Variants in GAS2 observed in about 807,000 individuals in gnomAD.
GAS2 encodes growth arrest specific 2.
Under a neutral mutation model 37.5 loss-of-function variants are expected in GAS2, and 20 were observed. That is an observed-to-expected ratio of 0.53 (90% CI 0.37 to 0.77). The LOEUF (loss-of-function observed/expected upper bound fraction) is 0.77. GAS2 is among the 30% of genes least tolerant of loss of function. The pLI, the probability that GAS2 is intolerant of heterozygous loss-of-function variation, is 0.00. For synonymous variants in GAS2, 144 were observed against 132.2 expected (o/e 1.09, Z -0.61); for missense variants, 336 against 373.4 (o/e 0.90, Z 0.82).
chr11:22,717,187 C>A (rs1851721330), intron 3 of GAS2, among the ~76,000 whole-genome samples: 1 of 152,000 alleles, frequency 6.6e-6, no homozygotes, highest in African/African-American at 2.4e-5. Flanking sequence ...GCCTACATAG[C>A]CAAAGCAAGA....
chr11:22,643,970 C>G (rs968352468), intron 1 of GAS2, among the ~76,000 whole-genome samples: 2 of 151,456 alleles, frequency 1.3e-5, no homozygotes, highest in Admixed American at 6.6e-5. Context: ...TCCTTTTTTT[C>G]TGGATGGCTG....
At chr11:22,682,101 A>T (rs978546679) in intron 2 of GAS2, among the ~76,000 whole-genome samples, 3 of 152,020 alleles carry the variant, frequency 2.0e-5, no homozygotes, top group South Asian at 2.1e-4. Context: ...GCCAAAAAAA[A>T]CTCACCTTTC....
chr11:22,749,267 T>G lies in GAS2; in HGVS notation c.615+6T>G. On this transcript the variant is annotated splice_donor_region_variant and intron_variant, in intron 6 of 7. Coordinates refer to ENST00000454584, the MANE Select transcript of GAS2 (RefSeq NM_001143830.3). ...GAAACTTACTGGATGATGCAGTAAG[T>G]AAAATCAGTCAGACTTCTTACCAAC... The G allele has an allele frequency of 6.2e-7, 1 of 1,609,114 alleles. No homozygotes were observed. The highest frequency in any genetic ancestry group is 8.5e-7 in the Non-Finnish European group (1 of 1,177,882).
At chr11:22,808,150 C>T (rs1847974576) in intron 7 of GAS2, among the ~76,000 whole-genome samples, 1 of 152,118 alleles carries the variant, frequency 6.6e-6, no homozygotes, top group Admixed American at 6.6e-5. Flanking sequence ...TATCCCTCCG[C>T]CTCACAATGA....
chr11:22,715,182 C>T (rs1337814224), intron 3 of GAS2, among the ~76,000 whole-genome samples: 1 of 151,840 alleles, frequency 6.6e-6, no homozygotes, highest in Non-Finnish European at 1.5e-5. Context: ...GGCCAGGTGC[C>T]ACAGGTGTGG....
chr11:22,684,920 T>C (rs775313611), intron 2 of GAS2, among the ~76,000 whole-genome samples: 2 of 152,296 alleles, frequency 1.3e-5, no homozygotes, highest in East Asian at 3.9e-4. Flanking sequence ...TCTAGAGATA[T>C]GGTTTTATAC....
intron 1 of GAS2, among the ~76,000 whole-genome samples, chr11:22,630,309 G>C (rs921708385): frequency 2.0e-5 from 3 of 152,002 alleles, no homozygotes; most frequent in Admixed American, 2.0e-4. Flanking sequence ...TTGGTTTTTT[G>C]TTCTTGCGCT....
chr11:22,647,037 G>C (rs1399056492), intron 1 of GAS2, among the ~76,000 whole-genome samples: 2 of 150,816 alleles, frequency 1.3e-5, no homozygotes, highest in African/African-American at 4.9e-5. Context: ...TCGTCATCTA[G>C]CATTAGGTAT....
At chr11:22,677,207 G>A (rs4312064) in intron 2 of GAS2, among the ~76,000 whole-genome samples, 95,037 of 152,002 alleles carry the variant, frequency 0.63, 30,920 homozygotes, top group East Asian at 0.83. Context: ...AGGATCAGAG[G>A]GCTTGGGAAA....
At chr11:22,764,454 G>A (rs1000444266) in intron 7 of GAS2, among the ~76,000 whole-genome samples, 1 of 151,706 alleles carries the variant, frequency 6.6e-6, no homozygotes, top group Non-Finnish European at 1.5e-5. Flanking sequence ...CCGCTACTCC[G>A]GAGGCTGAGT....
At chr11:22,643,458 GA>G (rs112763541) in intron 1 of GAS2, among the ~76,000 whole-genome samples, 32,808 of 113,814 alleles carry the variant, frequency 0.29, 4,534 homozygotes, top group African/African-American at 0.49. Context: ...CATCTGTTTT[GA>G]AAAAAAAAAA....
chr11:22,659,102 G>T (rs1387109980), intron 1 of GAS2, among the ~76,000 whole-genome samples: 1 of 152,338 alleles, frequency 6.6e-6, no homozygotes, highest in East Asian at 1.9e-4. Context: ...AATGTGACTG[G>T]ATTAAGGAAT....
At chr11:22,702,639 T>C (rs1267393717) in intron 3 of GAS2, 1 of 152,180 alleles carries the variant, frequency 6.6e-6, no homozygotes, top group Non-Finnish European at 1.5e-5. Context: ...CATGTTTGTC[T>C]CCTTTCTTAT....
intron 7 of GAS2, among the ~76,000 whole-genome samples, chr11:22,767,019 A>G (rs1854731388): frequency 6.6e-6 from 1 of 152,192 alleles, no homozygotes; most frequent in Non-Finnish European, 1.5e-5. Flanking sequence ...CAAGTTTCCT[A>G]AAATTGTCAA....
chr11:22,662,377 C>T (rs955562459), upstream of GAS2, among the ~76,000 whole-genome samples: 2 of 152,032 alleles, frequency 1.3e-5, no homozygotes, highest in African/African-American at 4.8e-5. Context: ...AAATTAGAGA[C>T]AATATATAAA....
chr11:22,627,998 A>C (rs1176763117), intron 1 of GAS2, among the ~76,000 whole-genome samples: 1 of 152,204 alleles, frequency 6.6e-6, no homozygotes, highest in Non-Finnish European at 1.5e-5. Flanking sequence ...AGAATTATGC[A>C]GATTAACTTT....
At chr11:22,709,417 T>G (rs1851287637) in intron 3 of GAS2, among the ~76,000 whole-genome samples, 1 of 152,142 alleles carries the variant, frequency 6.6e-6, no homozygotes, top group African/African-American at 2.4e-5. Flanking sequence ...TTAAATTAAT[T>G]GAAGATAAGC....
At chr11:22,712,944 G>A (rs1851477930) in intron 3 of GAS2, among the ~76,000 whole-genome samples, 2 of 151,874 alleles carry the variant, frequency 1.3e-5, no homozygotes, top group South Asian at 4.2e-4. Context: ...CAGGCATGGT[G>A]GCTCAAACCT....
At chr11:22,663,348 G>C (rs779073727), upstream of GAS2, among the ~76,000 whole-genome samples, 45 of 151,988 alleles carry the variant, frequency 3.0e-4, no homozygotes, top group Non-Finnish European at 4.3e-4. Flanking sequence ...AGGATAGCTA[G>C]AGCCTGAAGG....
Sources: allele counts gnomAD v4.1 joint callset (sites outside exome capture counted in the v4.1 genomes callset), GRCh38; gene constraint gnomAD v4.1.1; transcripts MANE v1.5; gene names NCBI Gene and HGNC (gene_info 2026-07-23, HGNC 2026-07-21).